The following PPP2R2A variants were observed in gnomAD, a reference collection of about 807,000 sequenced individuals.
PPP2R2A encodes the protein serine/threonine-protein phosphatase 2A 55 kDa regulatory subunit B alpha isoform.
PPP2R2A carries 9 observed loss-of-function variants against 53.2 expected under a neutral mutation model. The ratio of observed to expected loss-of-function variants is 0.17; its 90% CI spans 0.10 to 0.30. PPP2R2A has a LOEUF of 0.30. Among genes scored for constraint, PPP2R2A ranks in the 10% least tolerant of loss-of-function variants. The probability of loss-of-function intolerance (pLI) is 1.00; values close to 1 mark genes in which losing one functional copy is unlikely to be tolerated. For missense variants in PPP2R2A, 235 were observed against 534.6 expected, an observed-to-expected ratio of 0.44 and a Z score of 5.53; for synonymous variants, 169 against 174.2, an observed-to-expected ratio of 0.97 and a Z score of 0.23.
intron 9 of PPP2R2A, among the ~76,000 whole-genome samples, chr8:26,368,932 C>G (rs1459590752): frequency 6.6e-6 from 1 of 151,966 alleles, no homozygotes; most frequent in Non-Finnish European, 1.5e-5. Context: ...TGGTGAAACC[C>G]TGTCTCTACT....
In PPP2R2A at chr8:26,362,980, G is replaced by A. The variant is rs1291761942; in HGVS notation, c.802+132G>A. The A allele has an allele frequency of 6.3e-6, 5 of 789,110 alleles. No individual in the cohort carries two copies. Among genetic ancestry groups the A allele is most frequent in the Non-Finnish European group, 9.9e-6 (5 of 506,540 alleles). 48.9% of individuals were successfully genotyped at this position (789,110 alleles called of 1,614,324 possible). ...GTGTCCAGAGCCACTTGTACCCTTG[G>A]TAATCTGCCTACCTCCTCATGAGGC... is the stretch of plus-strand genomic sequence containing the variant. On this transcript the variant is annotated intron_variant, in intron 7 of 9. Transcript: ENST00000380737. The surrounding 1 kb of genome is among the most constrained non-coding windows in gnomAD (Gnocchi z 4.4).
At chr8:26,351,236 A>T (rs1219197577) in intron 3 of PPP2R2A, among the ~76,000 whole-genome samples, 1 of 152,078 alleles carries the variant, frequency 6.6e-6, no homozygotes, top group Non-Finnish European at 1.5e-5. Context: ...CTGGTACTGT[A>T]GCTACTAGAT....
chr8:26,313,848 A>C (rs376465374), intron 2 of PPP2R2A, among the ~76,000 whole-genome samples: 24 of 152,242 alleles, frequency 1.6e-4, no homozygotes, highest in African/African-American at 4.8e-4. Flanking sequence ...ACTTCACCTT[A>C]GCCCAGTGAA....
In PPP2R2A at chr8:26,362,856, T is replaced by C. The variant is rs1446296520; in HGVS notation, c.802+8T>C. On this transcript the variant is annotated splice_region_variant and intron_variant, in intron 7 of 9. Coordinates refer to ENST00000380737, the MANE Select transcript of PPP2R2A (RefSeq NM_002717.4). This position sits in a 1 kb window ranked among gnomAD's most constrained non-coding sequence, Gnocchi z 4.4. The stretch of plus-strand genomic sequence containing the variant: ...GTGATAGACATTCTAAATGTAAGTT[T>C]ATTGTATCTTTCCTTAAAATGATTA... 1.9e-6 allele frequency: 3 copies of C among 1,608,906 alleles called. No homozygotes were observed. The highest frequency in any genetic ancestry group is 1.3e-5 in the African/African-American group (1 of 74,948).
chr8:26,369,882 G>A (rs1398150675), intron 9 of PPP2R2A, among the ~76,000 whole-genome samples: 1 of 152,174 alleles, frequency 6.6e-6, no homozygotes, highest in African/African-American at 2.4e-5. Flanking sequence ...GCACTCCTAA[G>A]AAGTTTTACT....
At chr8:26,313,034 CT>C (rs1298316552) in intron 2 of PPP2R2A, among the ~76,000 whole-genome samples, 5 of 149,388 alleles carry the variant, frequency 3.3e-5, no homozygotes, top group African/African-American at 1.2e-4. Flanking sequence ...TTTCATATTT[CT>C]TTTTTTTCTT....
chr8:26,313,465 A>G (rs1365918314), intron 2 of PPP2R2A, among the ~76,000 whole-genome samples: 1 of 152,144 alleles, frequency 6.6e-6, no homozygotes, highest in Non-Finnish European at 1.5e-5. Context: ...TGGTGTTGTT[A>G]CACTGTGTTG....
intron 4 of PPP2R2A, among the ~76,000 whole-genome samples, chr8:26,357,743 C>A (rs1272499169): frequency 6.6e-6 from 1 of 151,932 alleles, no homozygotes; most frequent in Non-Finnish European, 1.5e-5. Context: ...CTGCTCATAC[C>A]TCTCATACCT....
rs1805684158 is a variant in PPP2R2A, at chr8:26,372,024, A to G, written c.*1611A>G. On this transcript the variant is annotated 3_prime_UTR_variant, in exon 10 of 10. Coordinates refer to ENST00000380737, the MANE Select transcript of PPP2R2A (RefSeq NM_002717.4). ...GACTCTGAGTGCTTCTATGTCCACT[A>G]CCTATTGTTCTATTCTTCAATAATG... The G allele has an allele frequency of 6.6e-6, 1 of 152,182 alleles. No individual in the cohort carries two copies. The highest frequency in any genetic ancestry group is 6.5e-5 in the Admixed American group (1 of 15,270). The allele number at this position is 152,182 out of a possible 1,614,324, so 9.4% of individuals were successfully genotyped here.
chr8:26,312,165 A>G (rs561498088), intron 2 of PPP2R2A, among the ~76,000 whole-genome samples: 1 of 152,374 alleles, frequency 6.6e-6, no homozygotes, highest in African/African-American at 2.4e-5. Context: ...TGAAGAGAAT[A>G]GAAATGGAAA....
intron 2 of PPP2R2A, among the ~76,000 whole-genome samples, chr8:26,331,094 G>T (rs999426884): frequency 6.6e-6 from 1 of 151,984 alleles, no homozygotes. Context: ...TAAGTGAGCC[G>T]CCTATAGATA....
intron 4 of PPP2R2A, chr8:26,358,780 A>G (rs1366539768): frequency 2.3e-5 from 8 of 350,744 alleles, no homozygotes; most frequent in East Asian, 2.2e-4. Flanking sequence ...GCATGAGCCT[A>G]TAGTGATACA....
chr8:26,368,546 T>C (rs1805500745), intron 9 of PPP2R2A, among the ~76,000 whole-genome samples: 2 of 152,232 alleles, frequency 1.3e-5, no homozygotes, highest in Non-Finnish European at 2.9e-5. Flanking sequence ...TTTATAAATA[T>C]TTGCTTAAAA....
chr8:26,370,697 A>G lies in PPP2R2A; in HGVS notation c.*284A>G. 2.4e-6 allele frequency: 1 copy of G among 420,542 alleles called. No individual in the cohort carries two copies. The highest frequency in any genetic ancestry group is 4.4e-6 in the Non-Finnish European group (1 of 228,378). The allele number at this position is 420,542 out of a possible 1,614,324, so 26.1% of individuals were successfully genotyped here. ...ATGGACTAGATTGGACTGTATCAAC[A>G]TTGATTTACTCCACTTTTTATGCCT... On this transcript the variant is annotated 3_prime_UTR_variant, in exon 10 of 10. Transcript: ENST00000380737. The surrounding 1 kb of genome is among the most constrained non-coding windows in gnomAD (Gnocchi z 6.1).
chr8:26,293,224 C>T (rs1347783973), intron 1 of PPP2R2A: 1 of 1,535,462 alleles, frequency 6.5e-7, no homozygotes, highest in Non-Finnish European at 8.7e-7. Context: ...TCATATGAAT[C>T]ATTACTCCTT....
rs762117564 is a variant in PPP2R2A at position 26,360,319 on chromosome 8, G to T, written c.459+38G>T. 1 of 1,273,040 alleles carries T rather than the reference G, an allele frequency of 7.9e-7. No homozygotes were observed. Among genetic ancestry groups the T allele is most frequent in the South Asian group, 1.3e-5 (1 of 78,750 alleles). The allele number at this position is 1,273,040 out of a possible 1,614,324, so 78.9% of individuals were successfully genotyped here. A position where few individuals can be genotyped will look rare whatever the true frequency, so the allele number is the denominator to read the frequency against. On this transcript the variant is annotated intron_variant, in intron 5 of 9. Coordinates refer to ENST00000380737, the MANE Select transcript of PPP2R2A (RefSeq NM_002717.4). This position sits in a 1 kb window ranked among gnomAD's most constrained non-coding sequence, Gnocchi z 4.5. The stretch of plus-strand genomic sequence containing the variant: ...GAAAAAAATGTCACAGATAGTGCTT[G>T]TATTCATATTATATAGCCCAAATCC...
intron 4 of PPP2R2A, chr8:26,359,073 G>T: frequency 2.6e-6 from 1 of 378,448 alleles, no homozygotes; most frequent in Non-Finnish European, 5.5e-6. Flanking sequence ...GAACAATGCT[G>T]TGAGAAGTCA....
At chr8:26,295,750 G>A (rs981348915) in intron 2 of PPP2R2A, among the ~76,000 whole-genome samples, 2 of 152,176 alleles carry the variant, frequency 1.3e-5, no homozygotes, top group African/African-American at 4.8e-5. Context: ...AATAGGTATT[G>A]CTGTACAAAT....
chr8:26,323,521 A>G (rs1802943147), intron 2 of PPP2R2A, among the ~76,000 whole-genome samples: 1 of 152,218 alleles, frequency 6.6e-6, no homozygotes. Flanking sequence ...AAGTGGCCAT[A>G]CATAGAGGTT....
Sources: gnomAD v4.1 joint callset for allele counts (sites outside exome capture counted in the v4.1 genomes callset) on GRCh38, gnomAD v4.1.1 for gene constraint, Gnocchi (gnomAD v3.1) non-coding constraint, MANE v1.5 for transcripts, NCBI Gene and HGNC (gene_info 2026-07-23, HGNC 2026-07-21) for gene names.